Variants in VPS13B observed in about 807,000 individuals in gnomAD.
VPS13B encodes vacuolar protein sorting 13 homolog B.
A neutral mutation model predicts 426.4 loss-of-function variants in VPS13B; 285 were observed. The ratio of observed to expected loss-of-function variants is 0.67; its 90% CI spans 0.61 to 0.74. The LOEUF (loss-of-function observed/expected upper bound fraction) is 0.74. VPS13B is among the 30% of genes least tolerant of loss of function. The pLI is 0.00. For synonymous variants in VPS13B, 1,676 were observed against 1,676.4 expected (o/e 1.00, Z 0.01); for missense variants, 4,537 against 4,782.6 (o/e 0.95, Z 1.51).
chr8:99,068,438 C>T lies in VPS13B; in HGVS notation c.292-27874C>T, dbSNP rs1250798756. On this transcript the variant is annotated intron_variant, in intron 3 of 61. Coordinates refer to ENST00000357162, the MANE Select transcript of VPS13B (RefSeq NM_152564.5). ...AATCAAACTATGCCCCATGGGCTCA[C>T]TGCCTGTTTTTGTAAATACAAGTTT... Among the ~76,000 whole-genome samples, 7 of 152,278 alleles carry T rather than the reference C, an allele frequency of 4.6e-5. No individual in the cohort carries two copies. The East Asian group carries it at 9.6e-4, about 21-fold the overall frequency.
At chr8:99,298,643 A>G (rs1820176320) in intron 19 of VPS13B, among the ~76,000 whole-genome samples, 1 of 152,196 alleles carries the variant, frequency 6.6e-6, no homozygotes, top group African/African-American at 2.4e-5. Context: ...TAATGCTTTA[A>G]TTCTACTCTC....
At chr8:99,639,016 G>C (rs933381233) in intron 33 of VPS13B, among the ~76,000 whole-genome samples, 4 of 152,128 alleles carry the variant, frequency 2.6e-5, no homozygotes, top group African/African-American at 9.7e-5. Flanking sequence ...ACACATAACA[G>C]CTGCCCATTG....
At chr8:99,657,376 A>G (rs887516783) in intron 34 of VPS13B, among the ~76,000 whole-genome samples, 1 of 152,004 alleles carries the variant, frequency 6.6e-6, no homozygotes, top group East Asian at 1.9e-4. Context: ...TGCTTGGTAA[A>G]TAGTGCTATT....
chr8:99,534,895 G>T (rs1823118968), intron 30 of VPS13B, among the ~76,000 whole-genome samples: 1 of 152,084 alleles, frequency 6.6e-6, no homozygotes, highest in Non-Finnish European at 1.5e-5. Context: ...CATCATAAAA[G>T]GCTTGAACAG....
intron 31 of VPS13B, 127 bp downstream of exon 31, chr8:99,556,780 C>T: frequency 9.7e-7 from 1 of 1,035,368 alleles, no homozygotes; most frequent in Admixed American, 2.0e-5. Flanking sequence ...TCATTATAAG[C>T]ATAAAAAATA....
intron 33 of VPS13B, among the ~76,000 whole-genome samples, chr8:99,602,766 A>T (rs931497635): frequency 6.6e-6 from 1 of 152,202 alleles, no homozygotes; most frequent in Non-Finnish European, 1.5e-5. Flanking sequence ...TCATGAGTGA[A>T]CTCCCATTCA....
intron 21 of VPS13B, among the ~76,000 whole-genome samples, chr8:99,418,821 T>G (rs1454810436): frequency 6.6e-6 from 1 of 152,180 alleles, no homozygotes; most frequent in Non-Finnish European, 1.5e-5. Context: ...TCTGAGGAAT[T>G]TATCCTTCTT....
chr8:99,559,722 C>A (rs181689041), intron 31 of VPS13B, among the ~76,000 whole-genome samples: 44 of 152,064 alleles, frequency 2.9e-4, no homozygotes, highest in Admixed American at 2.4e-3. Context: ...GTTGTAGATA[C>A]GCGGCATTAT....
chr8:99,322,079 T>A (rs1488581199), intron 19 of VPS13B, among the ~76,000 whole-genome samples: 3 of 152,204 alleles, frequency 2.0e-5, no homozygotes, highest in Non-Finnish European at 4.4e-5. Flanking sequence ...AAAGACCACG[T>A]GTTCCTTTAG....
chr8:99,385,670 T>A (rs1312899666), intron 20 of VPS13B, among the ~76,000 whole-genome samples: 1 of 152,174 alleles, frequency 6.6e-6, no homozygotes, highest in African/African-American at 2.4e-5. Flanking sequence ...AGTAATGCCA[T>A]TTTTAGTAAT....
intron 16 of VPS13B, among the ~76,000 whole-genome samples, chr8:99,174,996 T>C (rs1414919258): frequency 6.6e-6 from 1 of 152,248 alleles, no homozygotes; most frequent in Non-Finnish European, 1.5e-5. Flanking sequence ...GCAGCATTTT[T>C]ACTTTTTCTT....
At chr8:99,106,198 G>T (rs1176617663) in intron 5 of VPS13B, among the ~76,000 whole-genome samples, 1 of 151,882 alleles carries the variant, frequency 6.6e-6, no homozygotes, top group Non-Finnish European at 1.5e-5. Context: ...TTGGGAGGCT[G>T]AGGCGGGCGG....
intron 39 of VPS13B, among the ~76,000 whole-genome samples, chr8:99,749,788 C>G (rs1349171859): frequency 6.6e-6 from 1 of 151,930 alleles, no homozygotes; most frequent in Non-Finnish European, 1.5e-5. Context: ...TATGATAGTT[C>G]TATTTTTAGT....
At chr8:99,500,463 T>A (rs1034221056) in intron 25 of VPS13B, among the ~76,000 whole-genome samples, 2 of 152,160 alleles carry the variant, frequency 1.3e-5, no homozygotes, top group Non-Finnish European at 2.9e-5. Flanking sequence ...ACATTCATAT[T>A]TCTATTTAAT....
At chr8:99,657,279 CT>C (rs1830053836) in intron 34 of VPS13B, among the ~76,000 whole-genome samples, 1 of 152,202 alleles carries the variant, frequency 6.6e-6, no homozygotes, top group Non-Finnish European at 1.5e-5. Context: ...CATTATCAGA[CT>C]TTGCTATTCC....
At chr8:99,647,845 G>T (rs1290278473) in intron 34 of VPS13B, among the ~76,000 whole-genome samples, 1 of 152,100 alleles carries the variant, frequency 6.6e-6, no homozygotes, top group East Asian at 1.9e-4. Context: ...ATGGCTCTGG[G>T]TGATGCTTCT....
At chr8:99,566,392 C>T (rs1259717331) in intron 31 of VPS13B, among the ~76,000 whole-genome samples, 1 of 151,848 alleles carries the variant, frequency 6.6e-6, no homozygotes, top group Non-Finnish European at 1.5e-5. Flanking sequence ...CATTGAAACC[C>T]AACTGACCAA....
intron 33 of VPS13B, among the ~76,000 whole-genome samples, chr8:99,590,714 T>C (rs1407782718): frequency 6.6e-6 from 1 of 152,198 alleles, no homozygotes; most frequent in Non-Finnish European, 1.5e-5. Flanking sequence ...TTTGTTGTGA[T>C]TTCTGTTCTT....
At chr8:99,148,218 A>T (rs2132598261) in intron 14 of VPS13B, among the ~76,000 whole-genome samples, 1 of 152,018 alleles carries the variant, frequency 6.6e-6, no homozygotes, top group South Asian at 2.1e-4. Flanking sequence ...TCTAAAAAAA[A>T]TTTGGCACGG....
Sources: gnomAD v4.1 joint callset for allele counts (sites outside exome capture counted in the v4.1 genomes callset) on GRCh38, gnomAD v4.1.1 for gene constraint, MANE v1.5 for transcripts, NCBI Gene and HGNC (gene_info 2026-07-23, HGNC 2026-07-21) for gene names.